Variants in TOP1MT observed in about 807,000 individuals in gnomAD.
TOP1MT encodes the protein DNA topoisomerase I mitochondrial, also known as DNA topoisomerase I, mitochondrial.
A neutral mutation model predicts 73.9 loss-of-function variants in TOP1MT; 80 were observed. That is an observed-to-expected ratio of 1.08 (90% confidence interval 0.90 to 1.30). The LOEUF is 1.30. TOP1MT is among the 50% of genes most tolerant of loss of function. The pLI is 0.00. For missense variants in TOP1MT, 815 were observed against 808.0 expected, an observed-to-expected ratio of 1.01 and a Z score of -0.10; for synonymous variants, 338 against 326.4, an observed-to-expected ratio of 1.04 and a Z score of -0.38.
intron 1 of TOP1MT, chr8:143,350,145 AACTCTT>A (rs1199994315): frequency 2.0e-5 from 3 of 152,224 alleles, no homozygotes; most frequent in Non-Finnish European, 2.9e-5. Flanking sequence ...CAAAGATGCA[AACTCTT>A]CCGTTAAAGA....
chr8:143,328,372 A>G (rs141573393), intron 3 of TOP1MT: 128 of 427,040 alleles, frequency 3.0e-4, no homozygotes, highest in African/African-American at 2.2e-3. Context: ...TACGCAAGCA[A>G]CTCAGTTTTT....
upstream of TOP1MT, chr8:143,358,509 C>T (rs1817449188): frequency 6.6e-6 from 1 of 152,268 alleles, no homozygotes; most frequent in African/African-American, 2.4e-5. Flanking sequence ...GCAGGTGAAG[C>T]ACCCCCAGCA....
At chr8:143,325,894 T>G (rs1288595894) in intron 4 of TOP1MT, among the ~76,000 whole-genome samples, 2 of 152,222 alleles carry the variant, frequency 1.3e-5, no homozygotes, top group African/African-American at 4.8e-5. Flanking sequence ...GGCAGGTTCC[T>G]GTTAGATGTA....
chr8:143,315,953 G>C (rs2293928), intron 11 of TOP1MT, 46 bp downstream of exon 11: 724,559 of 1,612,198 alleles, frequency 0.45, 173,548 homozygotes, highest in East Asian at 0.7. Context: ...GGGAGGGGGA[G>C]GGGTCCCTTG....
chr8:143,327,021 C>T (rs190936598), intron 3 of TOP1MT, among the ~76,000 whole-genome samples: 2 of 152,314 alleles, frequency 1.3e-5, no homozygotes, highest in African/African-American at 4.8e-5. Flanking sequence ...CCACCCAGCC[C>T]TGCCCTAAGG....
chr8:143,321,795 G>A (rs1346626374), intron 7 of TOP1MT, among the ~76,000 whole-genome samples: 12 of 48,134 alleles, frequency 2.5e-4, no homozygotes, highest in Non-Finnish European at 3.4e-4. Flanking sequence ...ACACACGCAC[G>A]CCACACACGC....
chr8:143,338,564 C>T (rs1817021818), upstream of TOP1MT, among the ~76,000 whole-genome samples: 1 of 147,238 alleles, frequency 6.8e-6, no homozygotes, highest in Non-Finnish European at 1.5e-5. Flanking sequence ...GAGACTCCGT[C>T]TCAAAAAAAA....
rs995129064 is a variant in TOP1MT at position 143,330,734 on chromosome 8, A to C, written c.238+490T>G. On this transcript the variant is annotated intron_variant, in intron 2 of 13. Transcript: ENST00000329245. ...GCCCTGGGGTAGAGAGGAGGGCTCAAGGGCAGGAGGGGTGTGTGGGCCCTG... is the reference window on the plus strand; with the variant it reads ...GCCCTGGGGTAGAGAGGAGGGCTCACGGGCAGGAGGGGTGTGTGGGCCCTG... Among the ~76,000 whole-genome samples, 3 of 152,294 alleles carry C rather than the reference A, an allele frequency of 2.0e-5. No individual in the cohort carries two copies. The South Asian group carries it at 6.2e-4, about 32-fold the overall frequency.
intron 10 of TOP1MT, among the ~76,000 whole-genome samples, chr8:143,316,386 A>C (rs1307298551): frequency 9.1e-6 from 1 of 110,048 alleles, no homozygotes; most frequent in Non-Finnish European, 2.1e-5. Flanking sequence ...CCCAGGCCCC[A>C]TGGCAAGGAG....
intron 12 of TOP1MT, among the ~76,000 whole-genome samples, chr8:143,312,550 T>G (rs1206702881): frequency 2.6e-5 from 4 of 152,076 alleles, no homozygotes; most frequent in Non-Finnish European, 5.9e-5. Flanking sequence ...AAACTAGGAA[T>G]AGAAGTAAAT....
At chr8:143,358,852 C>T (rs1817456197), upstream of TOP1MT, among the ~76,000 whole-genome samples, 1 of 152,182 alleles carries the variant, frequency 6.6e-6, no homozygotes, top group African/African-American at 2.4e-5. Flanking sequence ...GCTCCAACCA[C>T]CAAAGGATGG....
intron 1 of TOP1MT, 41 bp from the exon 2 acceptor site, chr8:143,331,380 C>G (rs753052985): frequency 1.4e-5 from 22 of 1,552,292 alleles, no homozygotes; most frequent in Non-Finnish European, 1.9e-5. Flanking sequence ...CTGGGCCAGG[C>G]CCTGCATGAG....
chr8:143,334,922 G>A (rs1007006294), upstream of TOP1MT: 576 of 1,287,816 alleles, frequency 4.5e-4, no homozygotes, highest in East Asian at 3.5e-3. Flanking sequence ...GCCCCGCCCC[G>A]CCCCCAGCGG....
At chr8:143,347,295 C>T (rs1478469288), upstream of TOP1MT, among the ~76,000 whole-genome samples, 1 of 152,182 alleles carries the variant, frequency 6.6e-6, no homozygotes, top group Non-Finnish European at 1.5e-5. Flanking sequence ...GCTGGGACTA[C>T]AGGTGCCCGC....
upstream of TOP1MT, among the ~76,000 whole-genome samples, chr8:143,359,677 G>A (rs2130498616): frequency 6.6e-6 from 1 of 152,208 alleles, no homozygotes; most frequent in East Asian, 1.9e-4. Flanking sequence ...CACACGGAGG[G>A]GGGACACAGA....
rs1379063450 is a variant in TOP1MT at position 143,323,499 on chromosome 8, C to CCA, written c.960+498_960+499dup. Among the ~76,000 whole-genome samples, 5 of 121,130 alleles carry CCA rather than the reference C, an allele frequency of 4.1e-5. 2 individuals are homozygous for CCA. The highest frequency in any genetic ancestry group is 2.0e-4 in the African/African-American group (5 of 25,164). 79.5% of individuals were successfully genotyped at this position (121,130 alleles called of 152,430 possible). A position where few individuals can be genotyped will look rare whatever the true frequency, so the allele number is the denominator to read the frequency against. On this transcript the variant is annotated intron_variant, in intron 7 of 13. Coordinates refer to ENST00000329245, the MANE Select transcript of TOP1MT (RefSeq NM_052963.3). ...CACACGCACGCCACACACATGCACGCCACACAGGCACGCCACACACACATG... is the reference window on the plus strand; with the variant it reads ...CACACGCACGCCACACACATGCACGCCACACACAGGCACGCCACACACACATG...
At chr8:143,343,211 G>A in intron 2 of TOP1MT, 1 of 456,294 alleles carries the variant, frequency 2.2e-6, no homozygotes, top group South Asian at 1.5e-5. Context: ...TCCTATTTAA[G>A]ATGCCGACTT....
chr8:143,354,176 C>T (rs980501682), intron 1 of TOP1MT, among the ~76,000 whole-genome samples: 5 of 151,952 alleles, frequency 3.3e-5, no homozygotes, highest in African/African-American at 7.3e-5. Flanking sequence ...AGCAGACGAA[C>T]GGATCAACGA....
chr8:143,323,675 CCACACACATGCACGCCA>C, intron 7 of TOP1MT, among the ~76,000 whole-genome samples: 1 of 64,768 alleles, frequency 1.5e-5, no homozygotes, highest in Non-Finnish European at 3.8e-5. Context: ...CACACGCACG[CCACACACATGCACGCCA>C]CACACACAGG....
Sources: allele counts gnomAD v4.1 joint callset (sites outside exome capture counted in the v4.1 genomes callset), GRCh38; gene constraint gnomAD v4.1.1; transcripts MANE v1.5; gene names NCBI Gene and HGNC (gene_info 2026-07-23, HGNC 2026-07-21).